TSHZ2: variants seen among roughly 807,000 people sequenced by gnomAD.
TSHZ2 encodes teashirt homolog 2.
A neutral mutation model predicts 74.4 loss-of-function variants in TSHZ2; 21 were observed. The observed-to-expected ratio is 0.28, with a 90% CI of 0.20 to 0.41. The LOEUF (loss-of-function observed/expected upper bound fraction) is 0.41, where lower values mean the gene tolerates loss of function less well. Among genes scored for constraint, TSHZ2 ranks in the 10% least tolerant of loss-of-function variants. TSHZ2 has a pLI of 1.00. For missense variants in TSHZ2, 1,244 were observed against 1,293.5 expected (o/e 0.96, Z 0.59); for synonymous variants, 540 against 515.3 (o/e 1.05, Z -0.65).
In TSHZ2 at chr20:53,475,905, C is replaced by CT. The variant is rs1288083932; in HGVS notation, c.*9-11238dup. Among the ~76,000 whole-genome samples the CT allele has an allele frequency of 4.8e-5, 6 of 125,474 alleles. 1 individual carries two copies. The highest frequency in any genetic ancestry group is 7.9e-5 in the Admixed American group (1 of 12,678). 82.3% of individuals were successfully genotyped at this position (125,474 alleles called of 152,430 possible). On this transcript the variant is annotated intron_variant, in intron 2 of 2. Coordinates refer to ENST00000371497, the MANE Select transcript of TSHZ2 (RefSeq NM_173485.6). ...CCTCTATGCAAATAAACTAGAAAAT[C>CT]TAGAAGAAATGGATAAATTCCTCGA...
chr20:53,170,964 A>AC (rs1988185964), intron 1 of TSHZ2, among the ~76,000 whole-genome samples: 1 of 151,948 alleles, frequency 6.6e-6, no homozygotes, highest in South Asian at 2.1e-4. Context: ...TAAAAAAAAA[A>AC]AACACAAAAA....
At chr20:53,419,490 G>A (rs1383921091) in intron 2 of TSHZ2, among the ~76,000 whole-genome samples, 1 of 152,170 alleles carries the variant, frequency 6.6e-6, no homozygotes, top group African/African-American at 2.4e-5. Flanking sequence ...GCTCACAACA[G>A]CCCTAAGTGG....
At chr20:53,075,641 C>T (rs997907310) in intron 1 of TSHZ2, among the ~76,000 whole-genome samples, 1 of 152,146 alleles carries the variant, frequency 6.6e-6, no homozygotes, top group Non-Finnish European at 1.5e-5. Flanking sequence ...CAGGTGAGAA[C>T]TAAACAAGGC....
chr20:53,226,213 A>T lies in TSHZ2; in HGVS notation c.41-27286A>T, dbSNP rs1163373568. 2.6e-5 allele frequency among the ~76,000 whole-genome samples: 4 copies of T among 151,336 alleles called. No homozygotes were observed. In the East Asian group the frequency reaches 7.7e-4, roughly 29 times the overall value. ...TACTAATAAACCCAGTGGCCATGGG[A>T]GCTTTGGGGACAGGCCTAGGATTTG... On this transcript the variant is annotated intron_variant, in intron 1 of 2. Coordinates refer to ENST00000371497, the MANE Select transcript of TSHZ2 (RefSeq NM_173485.6).
chr20:53,063,705 A>C (rs1391317995), intron 1 of TSHZ2, among the ~76,000 whole-genome samples: 1 of 152,250 alleles, frequency 6.6e-6, no homozygotes, highest in East Asian at 1.9e-4. Context: ...TGATTTGCCC[A>C]GGTACTCAAC....
chr20:52,982,714 T>C (rs1387432116), intron 1 of TSHZ2, among the ~76,000 whole-genome samples: 4 of 152,290 alleles, frequency 2.6e-5, no homozygotes, highest in Admixed American at 6.5e-5. Context: ...ATAGTCCTAA[T>C]TGCATTTCAT....
chr20:53,014,569 G>T (rs147671907), intron 1 of TSHZ2, among the ~76,000 whole-genome samples: 144 of 152,170 alleles, frequency 9.5e-4, no homozygotes, highest in African/African-American at 2.5e-3. Flanking sequence ...AGTGCTCTCT[G>T]CCCTGCCTCA....
At chr20:53,052,829 A>C (rs1984519262) in intron 1 of TSHZ2, among the ~76,000 whole-genome samples, 1 of 152,216 alleles carries the variant, frequency 6.6e-6, no homozygotes. Flanking sequence ...ATACATACCC[A>C]AAAGTGGGAT....
chr20:53,017,837 C>A (rs1203739641), intron 1 of TSHZ2, among the ~76,000 whole-genome samples: 1 of 152,146 alleles, frequency 6.6e-6, no homozygotes, highest in Non-Finnish European at 1.5e-5. Context: ...TAGGACCAAT[C>A]ACATTGTATA....
chr20:53,023,123 T>A (rs959613306), intron 1 of TSHZ2, among the ~76,000 whole-genome samples: 22 of 152,196 alleles, frequency 1.4e-4, no homozygotes, highest in African/African-American at 5.3e-4. Context: ...ATTCTTGAAA[T>A]CCCAGGATGG....
At chr20:53,106,391 CTTTTTTTTTTTT>C (rs71194458) in intron 1 of TSHZ2, among the ~76,000 whole-genome samples, 67 of 58,980 alleles carry the variant, frequency 1.1e-3, no homozygotes, top group African/African-American at 1.4e-3. Flanking sequence ...CTCACACTTT[CTTTTTTTTTTTT>C]TTTTTTTTTT....
chr20:53,147,736 A>T (rs1469543596), intron 1 of TSHZ2, among the ~76,000 whole-genome samples: 1 of 148,772 alleles, frequency 6.7e-6, no homozygotes, highest in Non-Finnish European at 1.5e-5. Flanking sequence ...TTTTGTTTTG[A>T]GACAGAGTCT....
intron 2 of TSHZ2, among the ~76,000 whole-genome samples, chr20:53,391,397 A>G (rs1344392395): frequency 1.3e-5 from 2 of 151,908 alleles, no homozygotes; most frequent in Non-Finnish European, 2.9e-5. Flanking sequence ...CACCTGCCTC[A>G]GCCTCCCAAA....
intron 2 of TSHZ2, among the ~76,000 whole-genome samples, chr20:53,407,495 C>A (rs535179559): frequency 6.6e-6 from 1 of 152,304 alleles, no homozygotes; most frequent in South Asian, 2.1e-4. Context: ...AAGTTCCCCA[C>A]TTATTGAGCC....
At chr20:53,279,098 G>A (rs181715837) in intron 2 of TSHZ2, among the ~76,000 whole-genome samples, 20 of 152,360 alleles carry the variant, frequency 1.3e-4, no homozygotes, top group Admixed American at 1.1e-3. Flanking sequence ...TTAAGTGAAA[G>A]TGGATCATCA....
intron 1 of TSHZ2, among the ~76,000 whole-genome samples, chr20:53,077,404 C>T: frequency 1.2e-5 from 1 of 85,686 alleles, no homozygotes; most frequent in East Asian, 3.3e-4. Flanking sequence ...GAGTAAGACT[C>T]TACCTCAAAA....
intron 1 of TSHZ2, among the ~76,000 whole-genome samples, chr20:53,115,167 C>T (rs372285583): frequency 6.6e-6 from 1 of 152,128 alleles, no homozygotes; most frequent in Non-Finnish European, 1.5e-5. Flanking sequence ...AGTTTTTCCC[C>T]TTGTGGATCA....
chr20:53,322,302 C>T (rs1055013159), intron 2 of TSHZ2, among the ~76,000 whole-genome samples: 3 of 152,118 alleles, frequency 2.0e-5, no homozygotes, highest in Non-Finnish European at 4.4e-5. Flanking sequence ...CACTTGAGGT[C>T]AAGAGTTCAA....
At chr20:53,113,323 G>C (rs989773300) in intron 1 of TSHZ2, among the ~76,000 whole-genome samples, 1 of 152,136 alleles carries the variant, frequency 6.6e-6, no homozygotes, top group Non-Finnish European at 1.5e-5. Flanking sequence ...TCTAGAATTT[G>C]TTTGTTTGTT....
Sources: allele counts gnomAD v4.1 joint callset (sites outside exome capture counted in the v4.1 genomes callset), GRCh38; gene constraint gnomAD v4.1.1; transcripts MANE v1.5; gene names NCBI Gene and HGNC (gene_info 2026-07-23, HGNC 2026-07-21).